The following MOB1B variants were observed in gnomAD, a reference collection of about 807,000 sequenced individuals.
MOB1B encodes the protein MOB1 Mps One Binder homolog B.
In MOB1B, 19 loss-of-function variants were observed where a neutral mutation model predicts 24.4. The ratio of observed to expected loss-of-function variants is 0.78; its 90% CI spans 0.54 to 1.14. The LOEUF is 1.14. MOB1B is among the 50% of genes most tolerant of loss of function. The pLI is 0.00. For missense variants in MOB1B, 243 were observed against 259.6 expected (o/e 0.94, Z 0.44); for synonymous variants, 76 against 82.1 (o/e 0.93, Z 0.40).
At chr4:70,975,822 G>T (rs1279657882) in intron 4 of MOB1B, 3 of 914,240 alleles carry the variant, frequency 3.3e-6, no homozygotes, top group South Asian at 5.1e-5. Flanking sequence ...GCACTTACAG[G>T]TGTTCTATGT....
chr4:70,950,427 CAAAAAAAAAAAAA>C (rs34937726), intron 1 of MOB1B, among the ~76,000 whole-genome samples: 1 of 70,404 alleles, frequency 1.4e-5, no homozygotes, highest in African/African-American at 4.0e-5. Context: ...GTCTCTGTAT[CAAAAAAAAAAAAA>C]AAAAAAAAAG....
intron 1 of MOB1B, among the ~76,000 whole-genome samples, chr4:70,909,708 G>A (rs1347834613): frequency 6.6e-6 from 1 of 151,952 alleles, no homozygotes; most frequent in Non-Finnish European, 1.5e-5. Flanking sequence ...GGAAGTCTAG[G>A]TCCAGAGATC....
At chr4:70,937,197 C>T (rs924551025) in intron 1 of MOB1B, among the ~76,000 whole-genome samples, 5 of 152,116 alleles carry the variant, frequency 3.3e-5, no homozygotes, top group African/African-American at 9.7e-5. Flanking sequence ...GGATTACAGG[C>T]GTGAGCCACC....
intron 2 of MOB1B, among the ~76,000 whole-genome samples, 172 bp from the exon 3 acceptor site, chr4:70,969,759 G>C (rs74796960): frequency 0.016 from 2,494 of 152,266 alleles, 66 homozygotes; most frequent in African/African-American, 0.055. Flanking sequence ...CAAGGGAGTC[G>C]TTTGATGAAC....
intron 1 of MOB1B, among the ~76,000 whole-genome samples, chr4:70,927,603 A>C (rs1736705837): frequency 6.6e-6 from 1 of 152,136 alleles, no homozygotes; most frequent in African/African-American, 2.4e-5. Context: ...CACCTATTCA[A>C]AACAGCAAGA....
intron 1 of MOB1B, among the ~76,000 whole-genome samples, chr4:70,911,876 T>C (rs947791194): frequency 8.6e-5 from 13 of 152,036 alleles, no homozygotes; most frequent in African/African-American, 3.1e-4. Flanking sequence ...TTTTGTTTTA[T>C]ATTAACCAAC....
At chr4:70,906,795 A>C (rs1229097627) in intron 1 of MOB1B, among the ~76,000 whole-genome samples, 2 of 152,142 alleles carry the variant, frequency 1.3e-5, no homozygotes, top group Admixed American at 6.6e-5. Context: ...CTTCACAGGG[A>C]CCTCATTTAA....
At chr4:70,966,374 CTTT>C (rs777364803) in intron 2 of MOB1B, among the ~76,000 whole-genome samples, 2 of 137,980 alleles carry the variant, frequency 1.4e-5, no homozygotes, top group Non-Finnish European at 1.6e-5. Flanking sequence ...GTGAGTCCCA[CTTT>C]TTTTTTTTTT....
chr4:70,921,496 C>CCTCCA lies in MOB1B; in HGVS notation c.14+18950_14+18951insACTCC, dbSNP rs1185612495. Among the ~76,000 whole-genome samples the CCTCCA allele has an allele frequency of 3.4e-3, 434 of 127,200 alleles. 5 individuals are homozygous for CCTCCA. The highest frequency in any genetic ancestry group is 0.012 in the African/African-American group (411 of 33,612). The allele number at this position is 127,200 out of a possible 152,430, so 83.4% of individuals were successfully genotyped here. A position where few individuals can be genotyped will look rare whatever the true frequency, so the allele number is the denominator to read the frequency against. On this transcript the variant is annotated intron_variant, in intron 1 of 5. Coordinates refer to ENST00000309395, the MANE Select transcript of MOB1B (RefSeq NM_173468.4). ...TCTTCTCTTCTCTCCCCTCCCCTCC[C>CCTCCA]CTCCCCTCCCCTCCCCTTCCCTTTT... is the stretch of plus-strand genomic sequence containing the variant.
intron 1 of MOB1B, among the ~76,000 whole-genome samples, chr4:70,917,601 C>T (rs918892800): frequency 6.6e-6 from 1 of 152,184 alleles, no homozygotes; most frequent in African/African-American, 2.4e-5. Flanking sequence ...GACAGTCTTT[C>T]TCTGACGTTC....
At chr4:70,907,553 G>T (rs1007410404) in intron 1 of MOB1B, among the ~76,000 whole-genome samples, 3 of 152,162 alleles carry the variant, frequency 2.0e-5, no homozygotes, top group African/African-American at 7.2e-5. Context: ...GGTCACCGAG[G>T]ACGGTGGTGG....
In MOB1B at chr4:70,975,180, G is replaced by A. The variant is rs750201402; in HGVS notation, c.303G>A (p.Thr101=). The part of the protein sequence containing the change: ...PKYEYHWADG[T]NIKKPIKCSA... ...ATGAGTATCATTGGGCAGATGGAAC[G>A]AACATAAAGAAACCTATTAAGTGCT... Residue 101 remains threonine (T), a synonymous_variant, in exon 4 of 6, where the codon ACG becomes ACA. Coordinates refer to ENST00000309395, the MANE Select transcript of MOB1B (RefSeq NM_173468.4). 41 of 1,608,776 alleles carry A rather than the reference G, an allele frequency of 2.5e-5. No individual in the cohort carries two copies. The highest frequency in any genetic ancestry group is 8.5e-5 in the Admixed American group (5 of 58,834).
At chr4:70,977,543 T>C (rs1739055238) in intron 4 of MOB1B, among the ~76,000 whole-genome samples, 1 of 152,198 alleles carries the variant, frequency 6.6e-6, no homozygotes, top group South Asian at 2.1e-4. Context: ...TACAATATGA[T>C]GTTATGAGAT....
intron 1 of MOB1B, among the ~76,000 whole-genome samples, chr4:70,920,999 G>T (rs999323361): frequency 6.6e-6 from 1 of 151,988 alleles, no homozygotes; most frequent in African/African-American, 2.4e-5. Context: ...AACCATTCGC[G>T]GAACCAAGTA....
intron 1 of MOB1B, among the ~76,000 whole-genome samples, chr4:70,951,150 A>C (rs1737786502): frequency 6.6e-6 from 1 of 152,116 alleles, no homozygotes; most frequent in African/African-American, 2.4e-5. Flanking sequence ...GTACAGAAAA[A>C]AAATAGGGGT....
At chr4:70,972,335 C>T (rs1419293692) in intron 3 of MOB1B, among the ~76,000 whole-genome samples, 1 of 152,030 alleles carries the variant, frequency 6.6e-6, no homozygotes, top group Non-Finnish European at 1.5e-5. Flanking sequence ...CTGCCTCAAC[C>T]TCTTGAGTAG....
intron 1 of MOB1B, among the ~76,000 whole-genome samples, chr4:70,920,101 A>G (rs1026160056): frequency 1.3e-5 from 2 of 152,226 alleles, no homozygotes; most frequent in Admixed American, 6.5e-5. Flanking sequence ...ATATTTTACC[A>G]ATTATCTTTA....
At chr4:70,940,138 G>A (rs139361774) in intron 1 of MOB1B, among the ~76,000 whole-genome samples, 12 of 151,976 alleles carry the variant, frequency 7.9e-5, no homozygotes, top group Admixed American at 2.6e-4. Flanking sequence ...ACGTCCAGCC[G>A]CTTGTGTCTC....
At chr4:70,906,927 AT>A (rs1376570646) in intron 1 of MOB1B, among the ~76,000 whole-genome samples, 1 of 152,194 alleles carries the variant, frequency 6.6e-6, no homozygotes, top group Non-Finnish European at 1.5e-5. Context: ...ATGCAATACA[AT>A]CATGGGGGCC....
Sources: gnomAD v4.1 joint callset for allele counts (sites outside exome capture counted in the v4.1 genomes callset) on GRCh38, gnomAD v4.1.1 for gene constraint, MANE v1.5 for transcripts, NCBI Gene and HGNC (gene_info 2026-07-23, HGNC 2026-07-21) for gene names.